ATF7IP: variants seen among roughly 807,000 people sequenced by gnomAD.
The protein encoded by ATF7IP is activating transcription factor 7-interacting protein 1.
In ATF7IP, 23 loss-of-function variants were observed where a neutral mutation model predicts 106.4. That is an observed-to-expected ratio of 0.22 (90% CI 0.16 to 0.31). The LOEUF is 0.31. ATF7IP is among the 10% of genes least tolerant of loss of function. The pLI, the probability that ATF7IP is intolerant of heterozygous loss-of-function variation, is 1.00. For synonymous variants in ATF7IP, 542 were observed against 539.0 expected, an observed-to-expected ratio of 1.01 and a Z score of -0.08; for missense variants, 1,334 against 1,524.3, an observed-to-expected ratio of 0.88 and a Z score of 2.08.
chr12:14,457,136 A>C (rs1020977465), intron 7 of ATF7IP, 71 bp from the exon 8 acceptor site: 3 of 1,318,236 alleles, frequency 2.3e-6, no homozygotes, highest in Non-Finnish European at 2.2e-6. Context: ...GCCACTGCTT[A>C]TTCTAGATAT....
intron 9 of ATF7IP, among the ~76,000 whole-genome samples, chr12:14,464,860 TAAGCAGTCTA>T (rs1417606790): frequency 1.3e-5 from 2 of 152,364 alleles, no homozygotes. Context: ...AACATTTTAT[TAAGCAGTCTA>T]AATCTTTCTT....
chr12:14,471,783 C>T (rs1459630729), intron 10 of ATF7IP, among the ~76,000 whole-genome samples: 8 of 152,044 alleles, frequency 5.3e-5, no homozygotes, highest in Admixed American at 1.3e-4. Context: ...TTACCTCCCA[C>T]CCAGTCCCTC....
chr12:14,434,660 A>C (rs1289575851), intron 3 of ATF7IP, among the ~76,000 whole-genome samples: 1 of 152,222 alleles, frequency 6.6e-6, no homozygotes, highest in Non-Finnish European at 1.5e-5. Context: ...GATTTAGCTT[A>C]AAATTTACTA....
intron 6 of ATF7IP, among the ~76,000 whole-genome samples, chr12:14,448,294 G>C (rs947928908): frequency 6.6e-6 from 1 of 152,130 alleles, no homozygotes; most frequent in African/African-American, 2.4e-5. Flanking sequence ...TATCGCTGTA[G>C]TACAGTATCA....
Position 14,424,775 on chromosome 12 carries a change from G to T in ATF7IP, c.860G>T (p.Arg287Leu), listed in dbSNP as rs148205796. The change falls in exon 2 of 15, where the codon CGT (arginine) becomes CTT (leucine). Residue 287 changes from arginine (R) to leucine (L), a missense_variant. This residue lies in a region of ATF7IP where 438 missense variants were observed against 405.3 expected (regional missense o/e 1.08). Transcript: ENST00000261168. ...CTGACTTCTGAATCAACCTTTGATCGTACCTTTGAACCAAAGTCTGTACCA... is the reference window on the plus strand; with the variant it reads ...CTGACTTCTGAATCAACCTTTGATCTTACCTTTGAACCAAAGTCTGTACCA... ...DELTSESTFD[R>L]TFEPKSVPVC... The T allele has an allele frequency of 1.2e-6, 2 of 1,613,978 alleles. No homozygotes were observed. Among genetic ancestry groups the T allele is most frequent in the African/African-American group, 2.7e-5 (2 of 74,964 alleles).
chr12:14,460,996 C>G lies in ATF7IP; in HGVS notation c.2660C>G (p.Thr887Ser). Residue 887 changes from threonine (T) to serine (S), a missense_variant, in exon 9 of 15, where the codon ACT (threonine) becomes AGT (serine). Coordinates refer to ENST00000261168, the MANE Select transcript of ATF7IP (RefSeq NM_018179.5). ...CACTCTATTGTACAAGCCACAAGGA[C>G]TTCTTTACCCACAGTGGGCCCATCA... ...TAHSIVQATR[T>S]SLPTVGPSGL... 6.2e-7 allele frequency: 1 copy of G among 1,614,150 alleles called. No homozygotes were observed. Among genetic ancestry groups the G allele is most frequent in the Non-Finnish European group, 8.5e-7 (1 of 1,180,040 alleles).
intron 1 of ATF7IP, among the ~76,000 whole-genome samples, chr12:14,421,489 C>T (rs1941505518): frequency 6.6e-6 from 1 of 152,124 alleles, no homozygotes; most frequent in Non-Finnish European, 1.5e-5. Flanking sequence ...CTGGTAGTTG[C>T]TTGGCTTGTG....
At chr12:14,369,357 A>T (rs1279982218) in intron 1 of ATF7IP, 2 of 151,894 alleles carry the variant, frequency 1.3e-5, no homozygotes, top group South Asian at 2.1e-4. Flanking sequence ...ATTTTATTTT[A>T]TTATTATTGT....
At chr12:14,477,193 T>A (rs540382014) in intron 11 of ATF7IP, among the ~76,000 whole-genome samples, 2 of 152,330 alleles carry the variant, frequency 1.3e-5, no homozygotes, top group South Asian at 2.1e-4. Flanking sequence ...CCAAATATTT[T>A]AAAAATAATA....
At chr12:14,408,040 G>A (rs1361881440) in intron 1 of ATF7IP, among the ~76,000 whole-genome samples, 2 of 151,854 alleles carry the variant, frequency 1.3e-5, no homozygotes, top group African/African-American at 2.4e-5. Flanking sequence ...AAACTTTAAT[G>A]TATTAGGACT....
chr12:14,435,878 A>C (rs1450135586), intron 3 of ATF7IP, among the ~76,000 whole-genome samples: 4 of 152,222 alleles, frequency 2.6e-5, no homozygotes, highest in African/African-American at 9.6e-5. Flanking sequence ...TTCTGTGTTC[A>C]CAGTGTGCAT....
At chr12:14,455,279 A>C (rs530419371) in intron 6 of ATF7IP, among the ~76,000 whole-genome samples, 68 of 151,294 alleles carry the variant, frequency 4.5e-4, no homozygotes, top group Admixed American at 1.4e-3. Context: ...TTCGCCTTAC[A>C]CAGTTATTTT....
rs963390341 is a variant in ATF7IP, at chr12:14,497,726, G to A, written c.3466G>A (p.Ala1156Thr). The change falls in exon 15 of 15, where the codon GCC (alanine) becomes ACC (threonine). Residue 1156 changes from alanine (A) to threonine (T), a missense_variant. This residue lies in a region of ATF7IP where 80 missense variants were observed against 157.0 expected (regional missense o/e 0.51). Coordinates refer to ENST00000261168, the MANE Select transcript of ATF7IP (RefSeq NM_018179.5). ...PQPQRLPPEAASTSLPQKPHL... is the reference protein window; with the variant it reads ...PQPQRLPPEATSTSLPQKPHL... ...ACCACAGCGTCTGCCCCCAGAAGCT[G>A]CCAGCACATCTCTGCCTCAGAAGCC... 1 of 1,614,148 alleles carries A rather than the reference G, an allele frequency of 6.2e-7. No individual in the cohort carries two copies. Among genetic ancestry groups the A allele is most frequent in the Non-Finnish European group, 8.5e-7 (1 of 1,180,028 alleles).
chr12:14,430,121 A>C (rs965633159), intron 2 of ATF7IP, among the ~76,000 whole-genome samples: 1 of 152,200 alleles, frequency 6.6e-6, no homozygotes, highest in African/African-American at 2.4e-5. Flanking sequence ...AGAACCAACA[A>C]AGGAGCTGAG....
intron 10 of ATF7IP, among the ~76,000 whole-genome samples, chr12:14,468,044 A>T (rs1943895984): frequency 6.6e-6 from 1 of 152,062 alleles, no homozygotes; most frequent in African/African-American, 2.4e-5. Flanking sequence ...AGGCGGGCAG[A>T]TCACCTGAGG....
At chr12:14,399,581 T>G (rs1478725498) in intron 1 of ATF7IP, among the ~76,000 whole-genome samples, 1 of 152,098 alleles carries the variant, frequency 6.6e-6, no homozygotes, top group Non-Finnish European at 1.5e-5. Context: ...TTTGCTGATT[T>G]TTTTTAATTT....
chr12:14,491,270 A>G (rs1355905462), intron 13 of ATF7IP, among the ~76,000 whole-genome samples: 1 of 152,192 alleles, frequency 6.6e-6, no homozygotes, highest in Admixed American at 6.5e-5. Context: ...CACATGAGGA[A>G]TGTGTTGCCT....
In ATF7IP at chr12:14,469,587, AAAAC is replaced by A. The variant is rs200829201; in HGVS notation, c.2862+3001_2862+3004del. Reference sequence around the variant, plus strand: ...TATAATGAATTGTTTTATATAGTGAAAAACAAATTTATTCAAATTATCAACATAA... The same window carrying A: ...TATAATGAATTGTTTTATATAGTGAAAAATTTATTCAAATTATCAACATAA... On this transcript the variant is annotated intron_variant, in intron 10 of 14. Coordinates refer to ENST00000261168, the MANE Select transcript of ATF7IP (RefSeq NM_018179.5). Among the ~76,000 whole-genome samples, 1,471 of 152,146 alleles carry A rather than the reference AAAAC, an allele frequency of 9.7e-3. 18 individuals carry two copies. Among genetic ancestry groups the A allele is most frequent in the Middle Eastern group, 0.062 (18 of 290 alleles).
At chr12:14,403,874 C>A (rs1314203812) in intron 1 of ATF7IP, among the ~76,000 whole-genome samples, 1 of 152,204 alleles carries the variant, frequency 6.6e-6, no homozygotes, top group Non-Finnish European at 1.5e-5. Flanking sequence ...CTGAACTCAG[C>A]ATGCTGCTGT....
Sources: gnomAD v4.1 joint callset for allele counts (sites outside exome capture counted in the v4.1 genomes callset) on GRCh38, gnomAD v4.1.1 for gene constraint, gnomAD v4.1.1 regional missense constraint, MANE v1.5 for transcripts, NCBI Gene and HGNC (gene_info 2026-07-23, HGNC 2026-07-21) for gene names.